AHCYL2: variants seen among roughly 807,000 people sequenced by gnomAD.
The protein encoded by AHCYL2 is adenosylhomocysteinase like 2.
In AHCYL2, 28 loss-of-function variants were observed where a neutral mutation model predicts 81.4. The observed-to-expected ratio is 0.34, with a 90% confidence interval of 0.25 to 0.47. AHCYL2 has a LOEUF of 0.47. Ranked by LOEUF, AHCYL2 falls within the 20% of genes least tolerant of loss-of-function variation. The pLI is 1.00. For missense variants in AHCYL2, 551 were observed against 785.1 expected (o/e 0.70, Z 3.56); for synonymous variants, 272 against 290.2 (o/e 0.94, Z 0.64).
intron 1 of AHCYL2, among the ~76,000 whole-genome samples, chr7:129,247,116 A>C (rs979098763): frequency 5.9e-5 from 9 of 152,126 alleles, no homozygotes; most frequent in Non-Finnish European, 1.2e-4. Context: ...TGTTACATTT[A>C]TGTGTAATTA....
At chr7:129,411,588 C>T (rs1465508425) in intron 11 of AHCYL2, among the ~76,000 whole-genome samples, 3 of 150,366 alleles carry the variant, frequency 2.0e-5, no homozygotes, top group Admixed American at 6.6e-5. Context: ...GGTGAAACCC[C>T]GTCTCTACTA....
intron 1 of AHCYL2, among the ~76,000 whole-genome samples, chr7:129,304,701 T>A (rs1003620967): frequency 6.6e-6 from 1 of 152,190 alleles, no homozygotes; most frequent in Admixed American, 6.5e-5. Flanking sequence ...ATACAGTTAG[T>A]CTTGCTCTTT....
chr7:129,261,447 A>G (rs1370698005), intron 1 of AHCYL2, among the ~76,000 whole-genome samples: 4 of 152,266 alleles, frequency 2.6e-5, no homozygotes, highest in Admixed American at 6.5e-5. Context: ...TTGTAAATCT[A>G]TCACTTAACT....
chr7:129,233,468 T>C (rs1236797012), intron 1 of AHCYL2, among the ~76,000 whole-genome samples: 2 of 152,144 alleles, frequency 1.3e-5, no homozygotes, highest in Non-Finnish European at 2.9e-5. Context: ...TTAGCCACTG[T>C]GCCTGGCCTA....
chr7:129,401,806 A>C (rs1796051371), intron 6 of AHCYL2, among the ~76,000 whole-genome samples: 1 of 152,334 alleles, frequency 6.6e-6, no homozygotes, highest in African/African-American at 2.4e-5. Flanking sequence ...GAACTTTTAC[A>C]AACTGTAGAA....
At chr7:129,386,595 A>G (rs1795215462) in intron 2 of AHCYL2, among the ~76,000 whole-genome samples, 1 of 152,232 alleles carries the variant, frequency 6.6e-6, no homozygotes, top group Non-Finnish European at 1.5e-5. Flanking sequence ...AGAATAGAGA[A>G]GTGGTGTAAA....
At chr7:129,249,702 G>C (rs1006772320) in intron 1 of AHCYL2, among the ~76,000 whole-genome samples, 1 of 152,174 alleles carries the variant, frequency 6.6e-6, no homozygotes, top group Non-Finnish European at 1.5e-5. Context: ...TGGGATTACA[G>C]GCGTGAGCCA....
chr7:129,367,658 C>A (rs1272902943), intron 1 of AHCYL2, among the ~76,000 whole-genome samples: 1 of 152,228 alleles, frequency 6.6e-6, no homozygotes, highest in Non-Finnish European at 1.5e-5. Flanking sequence ...TAAACCTACA[C>A]TGTGGTGGCT....
At chr7:129,418,528 T>C (rs1344028900) in intron 12 of AHCYL2, among the ~76,000 whole-genome samples, 2 of 152,118 alleles carry the variant, frequency 1.3e-5, no homozygotes, top group Admixed American at 6.5e-5. Context: ...CTCGATCTCC[T>C]GACTTCGTGA....
intron 1 of AHCYL2, among the ~76,000 whole-genome samples, chr7:129,353,897 G>A (rs996872860): frequency 2.0e-5 from 3 of 151,620 alleles, no homozygotes; most frequent in African/African-American, 4.9e-5. Context: ...GGAGATCAAA[G>A]GAAATATGAG....
intron 1 of AHCYL2, among the ~76,000 whole-genome samples, chr7:129,336,051 TTTCTC>T (rs1033708961): frequency 2.2e-5 from 3 of 138,200 alleles, no homozygotes; most frequent in African/African-American, 3.2e-5. Context: ...CTTCTCTTCT[TTTCTC>T]TTCTCTTTTC....
chr7:129,233,415 GA>G (rs1794518441), intron 1 of AHCYL2, among the ~76,000 whole-genome samples: 1 of 152,052 alleles, frequency 6.6e-6, no homozygotes, highest in African/African-American at 2.4e-5. Flanking sequence ...GGGCTCAAGT[GA>G]TCCTCCTGTC....
At chr7:129,361,723 G>A (rs62480629) in intron 1 of AHCYL2, among the ~76,000 whole-genome samples, 1,816 of 151,840 alleles carry the variant, frequency 0.012, 24 homozygotes, top group Non-Finnish European at 0.018. Flanking sequence ...TCAAACTCTT[G>A]GGCTCTATCC....
At chr7:129,324,695 T>C (rs192172028) in intron 1 of AHCYL2, among the ~76,000 whole-genome samples, 1 of 152,256 alleles carries the variant, frequency 6.6e-6, no homozygotes, top group East Asian at 1.9e-4. Flanking sequence ...TTTTGTGTTT[T>C]TAGTAGAGAC....
chr7:129,360,895 T>C (rs1037210916), intron 1 of AHCYL2, among the ~76,000 whole-genome samples: 4 of 152,180 alleles, frequency 2.6e-5, no homozygotes, highest in African/African-American at 7.2e-5. Flanking sequence ...TGGGGTGTTA[T>C]AAACAAGGAA....
chr7:129,389,073 A>G lies in AHCYL2; in HGVS notation c.493A>G (p.Ser165Gly). Residue 165 changes from serine to glycine, a missense_variant, in exon 3 of 17, where the codon AGC becomes GGC. Ser to Gly is a moderately conservative substitution (Grantham distance 56, BLOSUM62 0). This residue lies in a region of AHCYL2 where 235 missense variants were observed against 242.1 expected (regional missense o/e 0.97). Coordinates refer to ENST00000325006, the MANE Select transcript of AHCYL2 (RefSeq NM_015328.4). ...SYSSAASYTD[S>G]SDDETSPRDK... ...CATTCCAGCGGCTTCATATACAGAT[A>G]GCTCTGATGATGAGACATCGCCCAG... The G allele has an allele frequency of 1.9e-6, 3 of 1,613,502 alleles. No individual in the cohort carries two copies. The highest frequency in any genetic ancestry group is 2.5e-6 in the Non-Finnish European group (3 of 1,179,826).
intron 1 of AHCYL2, among the ~76,000 whole-genome samples, chr7:129,336,865 G>T (rs1250734078): frequency 6.6e-6 from 1 of 152,138 alleles, no homozygotes; most frequent in African/African-American, 2.4e-5. Context: ...TCCCACCTCA[G>T]CCTCCTGAGT....
chr7:129,358,867 C>T (rs1001329039), intron 1 of AHCYL2, among the ~76,000 whole-genome samples: 1 of 151,852 alleles, frequency 6.6e-6, no homozygotes, highest in Non-Finnish European at 1.5e-5. Context: ...ATGACAGAGG[C>T]CAAGGATCTG....
intron 4 of AHCYL2, among the ~76,000 whole-genome samples, chr7:129,394,530 C>T (rs1167748665): frequency 6.9e-6 from 1 of 145,526 alleles, no homozygotes; most frequent in Non-Finnish European, 1.5e-5. Context: ...TCACCACAAC[C>T]TCCACCTCCT....
Sources: allele counts gnomAD v4.1 joint callset (sites outside exome capture counted in the v4.1 genomes callset), GRCh38; gene constraint gnomAD v4.1.1; regional missense constraint gnomAD v4.1.1; transcripts MANE v1.5; gene names NCBI Gene and HGNC (gene_info 2026-07-23, HGNC 2026-07-21).